The following ERAP1 variants were observed in gnomAD, a reference collection of about 807,000 sequenced individuals.
The protein encoded by ERAP1 is endoplasmic reticulum aminopeptidase 1.
In ERAP1, 86 loss-of-function variants were observed where a neutral mutation model predicts 103.7. The ratio of observed to expected loss-of-function variants is 0.83; its 90% confidence interval spans 0.70 to 0.99. The LOEUF is 0.99. ERAP1 is among the 50% of genes least tolerant of loss of function. ERAP1 has a pLI of 0.00. For synonymous variants in ERAP1, 398 were observed against 402.4 expected (o/e 0.99, Z 0.13); for missense variants, 1,009 against 1,128.4 (o/e 0.89, Z 1.52).
intron 10 of ERAP1, among the ~76,000 whole-genome samples, chr5:96,789,002 G>A (rs1029084681): frequency 7.9e-5 from 12 of 152,166 alleles, no homozygotes; most frequent in Admixed American, 6.5e-4. Context: ...AGGAAGAGAA[G>A]GGAGAGAAAG....
the ERAP1 span, chr5:96,918,488 C>A: frequency 6.6e-6 from 1 of 152,188 alleles, no homozygotes; most frequent in South Asian, 2.1e-4. Context: ...TTAAGCCTTA[C>A]ATTCATGAAG....
At chr5:96,769,420 ACAC>A (rs1771391057) in intron 19 of ERAP1, 1 of 145,662 alleles carries the variant, frequency 6.9e-6, no homozygotes, top group African/African-American at 2.5e-5. Context: ...GCCTTTTGGT[ACAC>A]AAAAGCCAGT....
In ERAP1 at chr5:96,785,871, C is replaced by G. The variant is rs143881089; in HGVS notation, c.1860G>C (p.Leu620Phe). The change falls in exon 13 of 19, where the codon TTG becomes TTC. Residue 620 changes from leucine (L) to phenylalanine (F), a missense_variant. Around this residue, in one of 3 missense-constraint regions of ERAP1, gnomAD observed 611 missense variants for 651.7 expected, o/e 0.94. Transcript: ENST00000443439. ...TGTGTGTTCCTTTTAAAAGGCCAGT[C>G]AAAGAGTCCCATCCATCATCCTCGT... ...VHYEDDGWDSLTGLLKGTHTA... is the reference protein window; with the variant it reads ...VHYEDDGWDSFTGLLKGTHTA... The G allele has an allele frequency of 1.9e-6, 3 of 1,612,204 alleles. No individual in the cohort carries two copies. Among genetic ancestry groups the G allele is most frequent in the Non-Finnish European group, 2.5e-6 (3 of 1,178,322 alleles).
chr5:96,857,233 G>A, the ERAP1 span, among the ~76,000 whole-genome samples: 1 of 152,178 alleles, frequency 6.6e-6, no homozygotes, highest in Non-Finnish European at 1.5e-5. Flanking sequence ...CCAGGGCCAG[G>A]TTAGGTTAGC....
chr5:96,868,985 G>A, the ERAP1 span, among the ~76,000 whole-genome samples: 1 of 151,918 alleles, frequency 6.6e-6, no homozygotes, highest in Admixed American at 6.6e-5. Flanking sequence ...TTGCTTTTTG[G>A]ATTGTGTGAT....
chr5:96,766,253 TACC>T (rs1769901782), intron 19 of ERAP1: 2 of 655,142 alleles, frequency 3.1e-6, no homozygotes, highest in Non-Finnish European at 2.7e-6. Flanking sequence ...GCATAAAACA[TACC>T]ATGACTGACT....
chr5:96,855,151 C>T, the ERAP1 span, among the ~76,000 whole-genome samples: 1 of 152,334 alleles, frequency 6.6e-6, no homozygotes, highest in South Asian at 2.1e-4. Flanking sequence ...ACCCACATAA[C>T]TTCCACTGAC....
the ERAP1 span, among the ~76,000 whole-genome samples, chr5:96,914,061 T>G: frequency 6.6e-6 from 1 of 152,086 alleles, no homozygotes; most frequent in African/African-American, 2.4e-5. Flanking sequence ...ATCTAAAATA[T>G]CCCTCAGAAA....
chr5:96,913,239 T>G, the ERAP1 span: 2 of 1,133,450 alleles, frequency 1.8e-6, no homozygotes, highest in Non-Finnish European at 2.5e-6. Context: ...TCTATTCTTT[T>G]AATATATTGG....
the ERAP1 span, among the ~76,000 whole-genome samples, chr5:96,862,062 C>T: frequency 6.6e-6 from 1 of 152,174 alleles, no homozygotes; most frequent in Non-Finnish European, 1.5e-5. Flanking sequence ...CTTACTGCAT[C>T]CTTGAACTCC....
chr5:96,828,391 G>T, the ERAP1 span, among the ~76,000 whole-genome samples: 125 of 152,144 alleles, frequency 8.2e-4, no homozygotes, highest in African/African-American at 2.9e-3. Context: ...AATAATATTT[G>T]CCAGTCACTT....
chr5:96,910,734 T>C, the ERAP1 span, among the ~76,000 whole-genome samples: 1 of 152,244 alleles, frequency 6.6e-6, no homozygotes, highest in Non-Finnish European at 1.5e-5. Flanking sequence ...TGATTAAATA[T>C]TGTTGGTTTT....
At chr5:96,926,810 T>TTTTGTTTG in the ERAP1 span, among the ~76,000 whole-genome samples, 1 of 152,142 alleles carries the variant, frequency 6.6e-6, no homozygotes, top group African/African-American at 2.4e-5. Flanking sequence ...CATCTACCAT[T>TTTTGTTTG]TTTGTTTGTT....
In ERAP1 at chr5:96,781,705, T is replaced by G; in HGVS notation, c.2435A>C (p.Glu812Ala). Residue 812 changes from glutamate to alanine, a missense_variant, in exon 16 of 19, where the codon GAA becomes GCA. Glu to Ala is a moderately radical substitution (Grantham distance 107, BLOSUM62 -1). Transcript: ENST00000443439. Reference sequence around the variant, plus strand: ...ATGACGGACTCACCATTGAAGCTTTTCCTTATTTTGGGTTCTGCAGAGGGC... The same window carrying G: ...ATGACGGACTCACCATTGAAGCTTTGCCTTATTTTGGGTTCTGCAGAGGGC... Reference protein sequence around the residue: ...EFALCRTQNKEKLQWLLDESF... With the variant: ...EFALCRTQNKAKLQWLLDESF... The G allele has an allele frequency of 4.3e-6, 7 of 1,614,158 alleles. No individual in the cohort carries two copies. The highest frequency in any genetic ancestry group is 1.3e-5 in the African/African-American group (1 of 75,052).
At chr5:96,796,888 G>C (rs2150975603) in intron 4 of ERAP1, among the ~76,000 whole-genome samples, 1 of 152,242 alleles carries the variant, frequency 6.6e-6, no homozygotes, top group African/African-American at 2.4e-5. Flanking sequence ...AAACTCCTGG[G>C]CTCAAGGGAT....
chr5:96,828,178 G>C, the ERAP1 span, among the ~76,000 whole-genome samples: 1 of 152,124 alleles, frequency 6.6e-6, no homozygotes, highest in Admixed American at 6.5e-5. Flanking sequence ...ATGGTGTCTA[G>C]CTCCTAGTGC....
At chr5:96,833,655 G>A in the ERAP1 span, among the ~76,000 whole-genome samples, 39 of 152,112 alleles carry the variant, frequency 2.6e-4, no homozygotes, top group African/African-American at 8.7e-4. Context: ...GCAATTAGCC[G>A]AGCATGGTGG....
At chr5:96,880,029 T>C in the ERAP1 span, 16 of 1,614,040 alleles carry the variant, frequency 9.9e-6, no homozygotes, top group Admixed American at 3.3e-5. Flanking sequence ...AGCAAAGATC[T>C]TGAAATCACG....
chr5:96,811,144 T>C (rs1250684709), upstream of ERAP1, among the ~76,000 whole-genome samples: 2 of 152,036 alleles, frequency 1.3e-5, no homozygotes, highest in Non-Finnish European at 2.9e-5. Context: ...CTTGATATTC[T>C]TGATAAAGAG....
Sources: allele counts gnomAD v4.1 joint callset (sites outside exome capture counted in the v4.1 genomes callset), GRCh38; gene constraint gnomAD v4.1.1; regional missense constraint gnomAD v4.1.1; transcripts MANE v1.5; gene names NCBI Gene and HGNC (gene_info 2026-07-23, HGNC 2026-07-21).